The following ADAM2 variants were observed in gnomAD, a reference collection of about 807,000 sequenced individuals.
ADAM2 encodes the protein ADAM metallopeptidase domain 2.
A neutral mutation model predicts 99.3 loss-of-function variants in ADAM2; 101 were observed. The ratio of observed to expected loss-of-function variants is 1.02; its 90% CI spans 0.87 to 1.20. The LOEUF is 1.20. Ranked by LOEUF, ADAM2 falls within the 50% of genes most tolerant of loss-of-function variation. ADAM2 has a pLI of 0.00. For synonymous variants in ADAM2, 323 were observed against 287.6 expected, an observed-to-expected ratio of 1.12 and a Z score of -1.25; for missense variants, 948 against 878.7, an observed-to-expected ratio of 1.08 and a Z score of -1.00.
At chr8:39,818,585 A>G (rs183791188) in intron 6 of ADAM2, among the ~76,000 whole-genome samples, 24 of 152,182 alleles carry the variant, frequency 1.6e-4, no homozygotes, top group Non-Finnish European at 3.1e-4. Flanking sequence ...AGGACAATTA[A>G]GTAAGAAAAA....
intron 18 of ADAM2, 52 bp downstream of exon 18, chr8:39,749,259 TA>T: frequency 6.8e-7 from 1 of 1,470,854 alleles, no homozygotes; most frequent in Non-Finnish European, 9.3e-7. Flanking sequence ...TTATCCAATT[TA>T]ATAAATTCAA....
At position 39,821,044 on chromosome 8, in the gene ADAM2, A is replaced by G; in HGVS notation, c.471T>C (p.Asp157=). 1 of 1,603,598 alleles carries G rather than the reference A, an allele frequency of 6.2e-7. No homozygotes were observed. The highest frequency in any genetic ancestry group is 8.5e-7 in the Non-Finnish European group (1 of 1,173,176). ...KADVSLYNEK[D]IESRDLSFKL... ...TAAAGGACAGATCTCTTGATTCAAT[A>G]TCCTTCTCATTATATAAGGAAACAT... is the stretch of plus-strand genomic sequence containing the variant. Residue 157 remains aspartate (D), a synonymous_variant, in exon 6 of 21, where the codon GAT becomes GAC. Transcript: ENST00000265708.
chr8:39,809,192 A>G lies in ADAM2; in HGVS notation c.570+218T>C, dbSNP rs551889558. Among the ~76,000 whole-genome samples the G allele has an allele frequency of 2.6e-5, 4 of 152,312 alleles. No homozygotes were observed. The East Asian group carries it at 7.7e-4, about 29-fold the overall frequency. ...TCTAAAACTATTTGTAAACTATTAT[A>G]GAGGTAGCAATTATTTTCTTTATGT... is the stretch of plus-strand genomic sequence containing the variant. On this transcript the variant is annotated intron_variant, in intron 7 of 20. Coordinates refer to ENST00000265708, the MANE Select transcript of ADAM2 (RefSeq NM_001464.5).
chr8:39,821,689 A>C, intron 4 of ADAM2, 27 bp from the exon 5 acceptor site: 23 of 1,454,566 alleles, frequency 1.6e-5, no homozygotes, highest in Non-Finnish European at 2.0e-5. Context: ...ACATATCTCC[A>C]TTAGAATGGT....
At chr8:39,820,936 T>A in intron 6 of ADAM2, 66 bp downstream of exon 6, 1 of 1,028,962 alleles carries the variant, frequency 9.7e-7, no homozygotes, top group Non-Finnish European at 1.4e-6. Context: ...ATTTATCAAC[T>A]ATAAATTTCA....
intron 4 of ADAM2, among the ~76,000 whole-genome samples, chr8:39,824,024 C>T (rs1032074697): frequency 6.6e-6 from 1 of 152,168 alleles, no homozygotes; most frequent in Non-Finnish European, 1.5e-5. Context: ...TGACTCACTG[C>T]TGTAATCCCA....
intron 18 of ADAM2, among the ~76,000 whole-genome samples, chr8:39,749,010 G>C (rs900451358): frequency 6.6e-6 from 1 of 152,046 alleles, no homozygotes; most frequent in African/African-American, 2.4e-5. Context: ...ACCTTTCTCT[G>C]ATTAATCTTC....
At chr8:39,781,819 T>C (rs1803240205) in intron 10 of ADAM2, among the ~76,000 whole-genome samples, 1 of 152,140 alleles carries the variant, frequency 6.6e-6, no homozygotes, top group Non-Finnish European at 1.5e-5. Flanking sequence ...TTTTTGATGT[T>C]TCACTATCGA....
intron 11 of ADAM2, among the ~76,000 whole-genome samples, chr8:39,772,995 A>T (rs866340116): frequency 2.7e-4 from 41 of 151,900 alleles, no homozygotes; most frequent in African/African-American, 9.9e-4. Context: ...ACATGATGGA[A>T]GGAATCAATT....
intron 6 of ADAM2, among the ~76,000 whole-genome samples, chr8:39,813,763 C>G (rs1804799651): frequency 6.6e-6 from 1 of 151,508 alleles, no homozygotes; most frequent in African/African-American, 2.4e-5. Flanking sequence ...CACACCAGGG[C>G]CTGTTGTGGG....
At chr8:39,771,075 G>A (rs185965307) in intron 11 of ADAM2, among the ~76,000 whole-genome samples, 46 of 152,266 alleles carry the variant, frequency 3.0e-4, no homozygotes, top group Middle Eastern at 3.4e-3. Context: ...AAATCAGTGC[G>A]ATGTATTCAC....
At chr8:39,790,807 G>T (rs2129585558) in intron 7 of ADAM2, among the ~76,000 whole-genome samples, 1 of 151,910 alleles carries the variant, frequency 6.6e-6, no homozygotes, top group Admixed American at 6.6e-5. Context: ...CTATAAGCAG[G>T]TTCTAATAAA....
intron 10 of ADAM2, among the ~76,000 whole-genome samples, chr8:39,777,647 C>T (rs1208539360): frequency 6.6e-6 from 1 of 151,912 alleles, no homozygotes; most frequent in East Asian, 1.9e-4. Flanking sequence ...CAGTTAACAA[C>T]ACTTACTGTA....
intron 3 of ADAM2, among the ~76,000 whole-genome samples, chr8:39,828,260 T>C (rs1266554160): frequency 2.6e-5 from 4 of 151,456 alleles, no homozygotes; most frequent in African/African-American, 9.7e-5. Flanking sequence ...AATATACAGG[T>C]TTGTGATGTG....
chr8:39,821,340 G>T (rs1348050096), intron 5 of ADAM2, among the ~76,000 whole-genome samples, 170 bp from the exon 6 acceptor site: 1 of 152,096 alleles, frequency 6.6e-6, no homozygotes, highest in African/African-American at 2.4e-5. Flanking sequence ...GAGTGACACC[G>T]CATAGTAATG....
chr8:39,796,127 T>C (rs972004980), intron 7 of ADAM2, among the ~76,000 whole-genome samples: 3 of 151,962 alleles, frequency 2.0e-5, no homozygotes, highest in African/African-American at 7.2e-5. Flanking sequence ...GTTTATTACA[T>C]AGGTATATGT....
chr8:39,759,048 G>A lies in ADAM2; in HGVS notation c.1613+2128C>T, dbSNP rs564476336. On this transcript the variant is annotated intron_variant, in intron 15 of 20. Coordinates refer to ENST00000265708, the MANE Select transcript of ADAM2 (RefSeq NM_001464.5). Reference sequence around the variant, plus strand: ...TTAAAACTAGTTAGTTAAAGTTTGAGGAGAAACAGAATATGCCCAGGGTCT... The same window carrying A: ...TTAAAACTAGTTAGTTAAAGTTTGAAGAGAAACAGAATATGCCCAGGGTCT... 1.3e-4 allele frequency among the ~76,000 whole-genome samples: 20 copies of A among 152,112 alleles called. No individual in the cohort carries two copies. The South Asian group carries it at 3.9e-3, about 30-fold the overall frequency.
intron 7 of ADAM2, among the ~76,000 whole-genome samples, chr8:39,803,926 A>T (rs963703234): frequency 6.6e-6 from 1 of 152,196 alleles, no homozygotes; most frequent in Non-Finnish European, 1.5e-5. Context: ...ATAAGGATTG[A>T]TGTGGGCAAG....
At chr8:39,813,454 T>G (rs1468202382) in intron 6 of ADAM2, among the ~76,000 whole-genome samples, 1 of 152,186 alleles carries the variant, frequency 6.6e-6, no homozygotes, top group Non-Finnish European at 1.5e-5. Context: ...CATGCTGCTA[T>G]AAGGACACAT....
Sources: allele counts gnomAD v4.1 joint callset (sites outside exome capture counted in the v4.1 genomes callset), GRCh38; gene constraint gnomAD v4.1.1; transcripts MANE v1.5; gene names NCBI Gene and HGNC (gene_info 2026-07-23, HGNC 2026-07-21).